AKT3: variants seen among roughly 807,000 people sequenced by gnomAD.
AKT3 encodes the protein AKT serine/threonine kinase 3.
Under a neutral mutation model 65.3 loss-of-function variants are expected in AKT3, and 15 were observed. The ratio of observed to expected loss-of-function variants is 0.23; its 90% CI spans 0.15 to 0.35. The LOEUF is 0.35. Among genes scored for constraint, AKT3 ranks in the 10% least tolerant of loss-of-function variants. The pLI, the probability that AKT3 is intolerant of heterozygous loss-of-function variation, is 1.00. For missense variants in AKT3, 243 were observed against 576.5 expected, an observed-to-expected ratio of 0.42 and a Z score of 5.92; for synonymous variants, 206 against 183.8, an observed-to-expected ratio of 1.12 and a Z score of -0.98.
At chr1:243,720,653 A>G (rs1430419522) in intron 2 of AKT3, among the ~76,000 whole-genome samples, 2 of 152,104 alleles carry the variant, frequency 1.3e-5, no homozygotes, top group Admixed American at 1.3e-4. Context: ...ATTATCTTAA[A>G]CCAGTAATTC....
chr1:243,775,219 C>T (rs1320042087), intron 2 of AKT3, among the ~76,000 whole-genome samples: 3 of 152,102 alleles, frequency 2.0e-5, no homozygotes, highest in Non-Finnish European at 4.4e-5. Flanking sequence ...CTCACACTGT[C>T]TCCTGGGCTG....
chr1:243,574,960 A>C (rs894999434), intron 8 of AKT3, among the ~76,000 whole-genome samples: 21 of 152,174 alleles, frequency 1.4e-4, no homozygotes, highest in African/African-American at 5.1e-4. Context: ...ATCTTTATTT[A>C]GACTATGTAT....
chr1:243,638,784 G>T (rs1268337459), intron 5 of AKT3, among the ~76,000 whole-genome samples: 2 of 151,028 alleles, frequency 1.3e-5, no homozygotes. Flanking sequence ...GTAAACGTGA[G>T]AAATATTTCA....
chr1:243,543,184 C>G (rs1672433790), intron 12 of AKT3, among the ~76,000 whole-genome samples: 1 of 152,212 alleles, frequency 6.6e-6, no homozygotes, highest in South Asian at 2.1e-4. Context: ...GTCTTACTAT[C>G]ACCTTTACAC....
At chr1:243,690,176 G>C (rs1684594136) in intron 3 of AKT3, among the ~76,000 whole-genome samples, 4 of 151,972 alleles carry the variant, frequency 2.6e-5, no homozygotes, top group Admixed American at 2.0e-4. Context: ...CCACCACAGA[G>C]AATAAGAAGG....
chr1:243,640,508 C>G (rs1317257780), intron 5 of AKT3, among the ~76,000 whole-genome samples: 2 of 152,214 alleles, frequency 1.3e-5, no homozygotes, highest in African/African-American at 4.8e-5. Flanking sequence ...TTTATGCGTT[C>G]TCTCTCTTGG....
At chr1:243,558,939 GT>G (rs1673587459) in intron 10 of AKT3, among the ~76,000 whole-genome samples, 1 of 152,042 alleles carries the variant, frequency 6.6e-6, no homozygotes, top group South Asian at 2.1e-4. Flanking sequence ...TTTTCAAACT[GT>G]TTTACAGTTG....
chr1:243,663,763 T>G (rs1682563176), intron 4 of AKT3, among the ~76,000 whole-genome samples: 2 of 152,194 alleles, frequency 1.3e-5, no homozygotes, highest in South Asian at 4.1e-4. Context: ...AAGATTTAAC[T>G]TCACAAAGTT....
At chr1:243,534,949 TAA>T (rs1671794587) in intron 12 of AKT3, among the ~76,000 whole-genome samples, 1 of 151,560 alleles carries the variant, frequency 6.6e-6, no homozygotes, top group Non-Finnish European at 1.5e-5. Flanking sequence ...AAATCCAAAG[TAA>T]GGAGAAGAAA....
chr1:243,791,687 C>G (rs1370169209), intron 2 of AKT3, among the ~76,000 whole-genome samples: 1 of 152,040 alleles, frequency 6.6e-6, no homozygotes, highest in African/African-American at 2.4e-5. Context: ...TCAGGCAAAC[C>G]TAAATAAGAG....
At chr1:243,546,333 A>G (rs1672676367) in intron 11 of AKT3, among the ~76,000 whole-genome samples, 1 of 152,164 alleles carries the variant, frequency 6.6e-6, no homozygotes, top group African/African-American at 2.4e-5. Flanking sequence ...AATAATAGGT[A>G]AAGAAATTTC....
At chr1:243,842,263 A>G (rs1439779714) in intron 2 of AKT3, among the ~76,000 whole-genome samples, 1 of 152,178 alleles carries the variant, frequency 6.6e-6, no homozygotes, top group African/African-American at 2.4e-5. Flanking sequence ...AAAATATTAA[A>G]ATCAATATTA....
intron 12 of AKT3, among the ~76,000 whole-genome samples, chr1:243,531,163 T>G (rs1257595991): frequency 6.6e-6 from 1 of 152,172 alleles, no homozygotes; most frequent in Non-Finnish European, 1.5e-5. Context: ...TGATCACAGC[T>G]CATTGCAGCC....
intron 2 of AKT3, among the ~76,000 whole-genome samples, chr1:243,777,270 G>A (rs1250391079): frequency 3.9e-5 from 6 of 152,094 alleles, no homozygotes; most frequent in East Asian, 3.9e-4. Context: ...TTCACAATAG[G>A]GTTTGCATCC....
At chr1:243,640,438 C>T (rs1680288720) in intron 5 of AKT3, among the ~76,000 whole-genome samples, 1 of 152,176 alleles carries the variant, frequency 6.6e-6, no homozygotes, top group South Asian at 2.1e-4. Flanking sequence ...TTGCTTTGAA[C>T]ACAGAATATG....
intron 8 of AKT3, among the ~76,000 whole-genome samples, chr1:243,575,076 CT>C (rs1424871572): frequency 6.6e-6 from 1 of 152,134 alleles, no homozygotes; most frequent in East Asian, 1.9e-4. Context: ...ACCCTTACTA[CT>C]TTATGGAACT....
At chr1:243,579,569 A>T (rs1281299452) in intron 8 of AKT3, among the ~76,000 whole-genome samples, 1 of 152,156 alleles carries the variant, frequency 6.6e-6, no homozygotes, top group Non-Finnish European at 1.5e-5. Context: ...CTGAAAAGAG[A>T]ATGTGAAGGT....
rs1400053894 is a variant in AKT3, at chr1:243,782,733, A to G, written c.46+60392T>C. 3.3e-5 allele frequency among the ~76,000 whole-genome samples: 5 copies of G among 152,218 alleles called. No individual in the cohort carries two copies. In the East Asian group the frequency reaches 5.8e-4, roughly 18 times the overall value. On this transcript the variant is annotated intron_variant, in intron 2 of 13. Transcript: ENST00000673466. ...ACGATTAGCGTATCTTTGAAAGAATAAAAGATTAGATTCCTTTAACACCAT... is the reference window on the plus strand; with the variant it reads ...ACGATTAGCGTATCTTTGAAAGAATGAAAGATTAGATTCCTTTAACACCAT...
intron 3 of AKT3, among the ~76,000 whole-genome samples, chr1:243,691,534 T>G (rs752962563): frequency 2.0e-5 from 3 of 151,950 alleles, no homozygotes; most frequent in Non-Finnish European, 4.4e-5. Flanking sequence ...GGGGTGATTA[T>G]AGAAAAGGAT....
Sources: allele counts gnomAD v4.1 joint callset (sites outside exome capture counted in the v4.1 genomes callset), GRCh38; gene constraint gnomAD v4.1.1; transcripts MANE v1.5; gene names NCBI Gene and HGNC (gene_info 2026-07-23, HGNC 2026-07-21).